Variants in DLGAP1 observed in about 807,000 individuals in gnomAD.
DLGAP1 encodes the protein disks large-associated protein 1.
In DLGAP1, 11 loss-of-function variants were observed where a neutral mutation model predicts 90.8. The ratio of observed to expected loss-of-function variants is 0.12; its 90% CI spans 0.08 to 0.20. The LOEUF (loss-of-function observed/expected upper bound fraction) is 0.20. DLGAP1 is among the 10% of genes least tolerant of loss of function. The probability of loss-of-function intolerance (pLI) is 1.00; values close to 1 mark genes in which losing one functional copy is unlikely to be tolerated. For missense variants in DLGAP1, 1,050 were observed against 1,333.8 expected, an observed-to-expected ratio of 0.79 and a Z score of 3.31; for synonymous variants, 558 against 540.7, an observed-to-expected ratio of 1.03 and a Z score of -0.44.
chr18:4,147,676 C>T (rs1000914112), intron 2 of DLGAP1, among the ~76,000 whole-genome samples: 1 of 151,898 alleles, frequency 6.6e-6, no homozygotes, highest in Non-Finnish European at 1.5e-5. Flanking sequence ...GTCTGTGACA[C>T]AGTAAAGGAT....
chr18:4,411,696 G>T (rs2082781433), intron 1 of DLGAP1, among the ~76,000 whole-genome samples: 1 of 152,126 alleles, frequency 6.6e-6, no homozygotes, highest in African/African-American at 2.4e-5. Flanking sequence ...CAACCAATAT[G>T]GTTCACTCAT....
At chr18:4,099,345 ATCTGTCTGTCTG>A (rs147140169) in intron 2 of DLGAP1, among the ~76,000 whole-genome samples, 2 of 73,016 alleles carry the variant, frequency 2.7e-5, no homozygotes, top group East Asian at 4.8e-4. Flanking sequence ...CTATCTATCT[ATCTGTCTGTCTG>A]TCTATCTTTT....
At chr18:3,858,477 CAT>C (rs141028503) in intron 4 of DLGAP1, among the ~76,000 whole-genome samples, 17,563 of 147,204 alleles carry the variant, frequency 0.12, 1,136 homozygotes, top group Admixed American at 0.15. Flanking sequence ...AAAAGGGAAA[CAT>C]ATATATATAT....
intron 2 of DLGAP1, among the ~76,000 whole-genome samples, chr18:4,116,882 C>T (rs2076071915): frequency 6.6e-6 from 1 of 152,194 alleles, no homozygotes; most frequent in East Asian, 1.9e-4. Context: ...CCCTGCCTTT[C>T]TTCTGTCTGT....
chr18:4,094,102 G>A (rs913403325), intron 2 of DLGAP1, among the ~76,000 whole-genome samples: 4 of 151,854 alleles, frequency 2.6e-5, no homozygotes, highest in Middle Eastern at 3.4e-3. Context: ...AATCAACCCA[G>A]CCTCCAATTA....
chr18:3,564,115 T>C (rs1307146864), intron 9 of DLGAP1, among the ~76,000 whole-genome samples: 6 of 152,216 alleles, frequency 3.9e-5, no homozygotes, highest in Non-Finnish European at 8.8e-5. Flanking sequence ...TTTTACCTTT[T>C]AGTATGCCTC....
chr18:4,452,774 A>G (rs1197504439), intron 1 of DLGAP1, among the ~76,000 whole-genome samples: 1 of 152,172 alleles, frequency 6.6e-6, no homozygotes, highest in Non-Finnish European at 1.5e-5. Context: ...TAAAGATGCT[A>G]AACCATGAAA....
At chr18:3,887,215 G>A (rs2071340003) in intron 3 of DLGAP1, among the ~76,000 whole-genome samples, 1 of 152,096 alleles carries the variant, frequency 6.6e-6, no homozygotes, top group African/African-American at 2.4e-5. Flanking sequence ...AATAGCTCGC[G>A]GTTATTTTGC....
rs575727974 is a variant in DLGAP1 at position 3,972,303 on chromosome 18, G to A, written c.-73+32813C>T. On this transcript the variant is annotated intron_variant, in intron 3 of 12. Coordinates refer to ENST00000315677, the MANE Select transcript of DLGAP1 (RefSeq NM_004746.4). ...AAGGTTGGAGGATCACTTGAAGCCC[G>A]GAGTTCGAGACCAGCCTGGGCAACA... Among the ~76,000 whole-genome samples the A allele has an allele frequency of 8.5e-5, 13 of 152,134 alleles. No individual in the cohort carries two copies. In the East Asian group the frequency reaches 1.2e-3, roughly 14 times the overall value.
intron 4 of DLGAP1, among the ~76,000 whole-genome samples, chr18:3,825,147 C>A (rs1379910736): frequency 6.6e-6 from 1 of 152,188 alleles, no homozygotes; most frequent in Non-Finnish European, 1.5e-5. Flanking sequence ...TCCAGGCTAG[C>A]TCAAGGTCCA....
intron 3 of DLGAP1, among the ~76,000 whole-genome samples, chr18:3,926,406 A>G (rs1599168899): frequency 7.9e-5 from 2 of 25,236 alleles, no homozygotes; most frequent in African/African-American, 2.8e-4. Context: ...AATGACATAT[A>G]TATATATATA....
chr18:3,816,253 G>C (rs868486666), intron 4 of DLGAP1, among the ~76,000 whole-genome samples: 101 of 152,214 alleles, frequency 6.6e-4, no homozygotes, highest in African/African-American at 2.4e-3. Context: ...TAACTCCTAA[G>C]ATCAAAATTA....
intron 2 of DLGAP1, among the ~76,000 whole-genome samples, chr18:4,126,117 T>C (rs1388968607): frequency 2.6e-5 from 4 of 152,182 alleles, no homozygotes; most frequent in Non-Finnish European, 4.4e-5. Flanking sequence ...CAAGGCAGCC[T>C]GCACCGAGCA....
At chr18:3,976,008 T>A (rs1194639100) in intron 3 of DLGAP1, among the ~76,000 whole-genome samples, 1 of 151,972 alleles carries the variant, frequency 6.6e-6, no homozygotes, top group Non-Finnish European at 1.5e-5. Context: ...TGGTGACGGT[T>A]GTACAACAAT....
chr18:4,081,115 T>C (rs2075601230), intron 2 of DLGAP1, among the ~76,000 whole-genome samples: 1 of 152,236 alleles, frequency 6.6e-6, no homozygotes, highest in Admixed American at 6.5e-5. Context: ...CTCGAACTCC[T>C]GACCTCAGGT....
chr18:4,186,739 G>A (rs1458397392), intron 1 of DLGAP1, among the ~76,000 whole-genome samples: 2 of 152,118 alleles, frequency 1.3e-5, no homozygotes, highest in Non-Finnish European at 2.9e-5. Context: ...TTTTGCTTAG[G>A]ATTGCCTTGG....
At chr18:4,116,260 G>T (rs2076062248) in intron 2 of DLGAP1, among the ~76,000 whole-genome samples, 3 of 152,128 alleles carry the variant, frequency 2.0e-5, no homozygotes, top group Admixed American at 2.0e-4. Context: ...CTTGCAAGTG[G>T]TGAGTCATTT....
Position 3,496,529 on chromosome 18 carries a change from TTA to T in DLGAP1, c.*2654_*2655del, listed in dbSNP as rs2049701276. On this transcript the variant is annotated 3_prime_UTR_variant, in exon 13 of 13. Coordinates refer to ENST00000315677, the MANE Select transcript of DLGAP1 (RefSeq NM_004746.4). ...CATCTGCAAAAAATATAATAAATAC[TTA>T]ATTTCTTTGAACGTTTTTTGATGTG... The T allele has an allele frequency of 6.6e-6, 1 of 152,112 alleles. No homozygotes were observed. Among genetic ancestry groups the T allele is most frequent in the African/African-American group, 2.4e-5 (1 of 41,366 alleles). 9.4% of individuals were successfully genotyped at this position (152,112 alleles called of 1,614,324 possible). A position where few individuals can be genotyped will look rare whatever the true frequency, so the allele number is the denominator to read the frequency against.
intron 1 of DLGAP1, among the ~76,000 whole-genome samples, chr18:4,251,121 A>G (rs781660995): frequency 6.6e-6 from 1 of 152,198 alleles, no homozygotes; most frequent in Non-Finnish European, 1.5e-5. Flanking sequence ...AAGGGTCTTT[A>G]AATCCTCCTG....
Sources: allele counts gnomAD v4.1 joint callset (sites outside exome capture counted in the v4.1 genomes callset), GRCh38; gene constraint gnomAD v4.1.1; transcripts MANE v1.5; gene names NCBI Gene and HGNC (gene_info 2026-07-23, HGNC 2026-07-21).